The following CNTNAP3B variants were observed in gnomAD, a reference collection of about 807,000 sequenced individuals.
CNTNAP3B encodes contactin associated protein family member 3B.
Under a neutral mutation model 108.9 loss-of-function variants are expected in CNTNAP3B, and 25 were observed. The ratio of observed to expected loss-of-function variants is 0.23; its 90% CI spans 0.17 to 0.32. The LOEUF is 0.32. CNTNAP3B is among the 10% of genes least tolerant of loss of function. The pLI is 1.00. For synonymous variants in CNTNAP3B, 103 were observed against 473.4 expected (o/e 0.22, Z 10.16); for missense variants, 252 against 1,210.4 (o/e 0.21, Z 11.75).
At chr9:41,918,596 T>G (rs1249320524) in intron 18 of CNTNAP3B, among the ~76,000 whole-genome samples, 7 of 142,726 alleles carry the variant, frequency 4.9e-5, no homozygotes, top group Non-Finnish European at 9.2e-5. Context: ...TCATTCTTAT[T>G]AGATTAGGTA....
chr9:41,925,159 C>A (rs1172802348), intron 15 of CNTNAP3B, among the ~76,000 whole-genome samples: 2 of 150,448 alleles, frequency 1.3e-5, no homozygotes, highest in Admixed American at 6.6e-5. Flanking sequence ...CAACTTTACC[C>A]AGTTTAAAAT....
chr9:41,968,670 G>A (rs867289939), intron 10 of CNTNAP3B, among the ~76,000 whole-genome samples: 12 of 139,150 alleles, frequency 8.6e-5, no homozygotes, highest in Non-Finnish European at 1.6e-4. Flanking sequence ...GTCACTAACT[G>A]TGAGTTATAA....
rs1192361040 is a variant in CNTNAP3B at position 41,920,836 on chromosome 9, G to C, written c.2756-527C>G. On this transcript the variant is annotated intron_variant, in intron 17 of 23. Transcript: ENST00000377561. ...AAAGGAAATGGATAAGCAAAGGAGGGGAAGTTGGAAGGGGTGACACCATAC... is the reference window on the plus strand; with the variant it reads ...AAAGGAAATGGATAAGCAAAGGAGGCGAAGTTGGAAGGGGTGACACCATAC... Among the ~76,000 whole-genome samples, 10 of 152,404 alleles carry C rather than the reference G, an allele frequency of 6.6e-5. No individual in the cohort carries two copies. In the South Asian group the frequency reaches 2.1e-3, roughly 32 times the overall value.
chr9:41,966,915 C>T (rs1419016643), intron 10 of CNTNAP3B, among the ~76,000 whole-genome samples: 3 of 150,078 alleles, frequency 2.0e-5, no homozygotes, highest in African/African-American at 5.0e-5. Context: ...TGCAGTGAGC[C>T]GAGATCGTGC....
At chr9:41,932,527 T>C (rs1160761501) in intron 14 of CNTNAP3B, among the ~76,000 whole-genome samples, 2 of 151,568 alleles carry the variant, frequency 1.3e-5, no homozygotes, top group East Asian at 3.9e-4. Flanking sequence ...CTTCTTTTTT[T>C]TTTTTTTTCG....
intron 1 of CNTNAP3B, among the ~76,000 whole-genome samples, chr9:42,127,513 T>C (rs1828598203): frequency 7.1e-6 from 1 of 139,888 alleles, no homozygotes; most frequent in Admixed American, 7.1e-5. Context: ...TGACTTATTT[T>C]GTTGTATTTT....
intron 10 of CNTNAP3B, among the ~76,000 whole-genome samples, chr9:41,968,698 C>A (rs1337470639): frequency 6.3e-5 from 9 of 141,778 alleles, no homozygotes; most frequent in Non-Finnish European, 1.1e-4. Flanking sequence ...CCTGTTTAGC[C>A]AGAGAAGATA....
intron 3 of CNTNAP3B, among the ~76,000 whole-genome samples, chr9:42,055,196 C>T (rs1434104159): frequency 2.2e-5 from 3 of 138,296 alleles, no homozygotes; most frequent in Admixed American, 1.4e-4. Flanking sequence ...TATCTACATC[C>T]ATTTTATATT....
intron 2 of CNTNAP3B, among the ~76,000 whole-genome samples, chr9:42,079,872 G>T (rs1411038874): frequency 7.5e-6 from 1 of 134,054 alleles, no homozygotes; most frequent in Non-Finnish European, 1.6e-5. Context: ...GATGCTAACA[G>T]CCAACCCATC....
At chr9:42,050,042 G>A (rs997464819) in intron 3 of CNTNAP3B, among the ~76,000 whole-genome samples, 2 of 46,018 alleles carry the variant, frequency 4.3e-5, no homozygotes, top group African/African-American at 1.6e-4. Context: ...GTCTCACTGT[G>A]TTGCCCAGGC....
chr9:41,939,434 C>G (rs1220856748), intron 13 of CNTNAP3B, among the ~76,000 whole-genome samples: 1 of 152,282 alleles, frequency 6.6e-6, no homozygotes, highest in African/African-American at 2.4e-5. Context: ...AATTATAACT[C>G]ATTCATAGAT....
At chr9:41,915,716 T>C (rs1419883242) in intron 18 of CNTNAP3B, among the ~76,000 whole-genome samples, 2 of 146,194 alleles carry the variant, frequency 1.4e-5, no homozygotes, top group African/African-American at 2.6e-5. Flanking sequence ...AAATGTTTTT[T>C]TTTTTCAGCA....
intron 2 of CNTNAP3B, among the ~76,000 whole-genome samples, chr9:42,089,575 A>G (rs1280095775): frequency 6.8e-6 from 1 of 146,848 alleles, no homozygotes; most frequent in East Asian, 2.0e-4. Flanking sequence ...CTAATGTGGG[A>G]AATAAATATC....
At chr9:41,933,216 T>G (rs1298643307) in intron 14 of CNTNAP3B, among the ~76,000 whole-genome samples, 1 of 152,244 alleles carries the variant, frequency 6.6e-6, no homozygotes, top group Non-Finnish European at 1.5e-5. Context: ...GGGCTAATTT[T>G]TTTTTGTCAT....
At chr9:41,952,268 A>G (rs1281146567) in intron 13 of CNTNAP3B, among the ~76,000 whole-genome samples, 1 of 152,182 alleles carries the variant, frequency 6.6e-6, no homozygotes, top group Admixed American at 6.5e-5. Flanking sequence ...TATGCTACCG[A>G]CATACACTGT....
chr9:41,930,101 A>C (rs1319944530), intron 14 of CNTNAP3B, among the ~76,000 whole-genome samples: 1 of 152,296 alleles, frequency 6.6e-6, no homozygotes, highest in Non-Finnish European at 1.5e-5. Flanking sequence ...TCCTTTTATG[A>C]TTACTGGGTA....
chr9:42,056,213 AAC>A (rs1346610864), intron 3 of CNTNAP3B, among the ~76,000 whole-genome samples: 1 of 135,170 alleles, frequency 7.4e-6, no homozygotes, highest in East Asian at 2.2e-4. Context: ...TGTCCTAAGC[AAC>A]ACAGCCTCAG....
intron 11 of CNTNAP3B, among the ~76,000 whole-genome samples, chr9:41,963,017 C>A (rs1431490854): frequency 6.6e-6 from 1 of 152,172 alleles, no homozygotes; most frequent in Non-Finnish European, 1.5e-5. Context: ...AACAGGGACC[C>A]TTCTAGTACA....
intron 11 of CNTNAP3B, among the ~76,000 whole-genome samples, chr9:41,963,481 C>A (rs1375658131): frequency 1.3e-5 from 2 of 149,984 alleles, no homozygotes; most frequent in Admixed American, 1.3e-4. Flanking sequence ...GAGGGTGATT[C>A]TTCAGTAAAG....
Sources: allele counts gnomAD v4.1 joint callset (sites outside exome capture counted in the v4.1 genomes callset), GRCh38; gene constraint gnomAD v4.1.1; transcripts MANE v1.5; gene names NCBI Gene and HGNC (gene_info 2026-07-23, HGNC 2026-07-21).